MYO3A: variants seen among roughly 807,000 people sequenced by gnomAD.
The protein encoded by MYO3A is myosin-IIIa.
A neutral mutation model predicts 192.7 loss-of-function variants in MYO3A; 180 were observed. That is an observed-to-expected ratio of 0.93 (90% CI 0.83 to 1.06). The LOEUF is 1.06. Among genes scored for constraint, MYO3A ranks in the 50% least tolerant of loss-of-function variants. MYO3A has a pLI of 0.00. For missense variants in MYO3A, 1,896 were observed against 1,905.0 expected, an observed-to-expected ratio of 1.00 and a Z score of 0.09; for synonymous variants, 628 against 645.3, an observed-to-expected ratio of 0.97 and a Z score of 0.41.
chr10:26,071,019 C>T lies in MYO3A; in HGVS notation c.1359+618C>T, dbSNP rs1165263897. On this transcript the variant is annotated intron_variant, in intron 14 of 34. Transcript: ENST00000642920. ...AATGCAATTACAATAAAAATCCAAACAGGATTTTTTTTTTGGTGGGAATTG... is the reference window on the plus strand; with the variant it reads ...AATGCAATTACAATAAAAATCCAAATAGGATTTTTTTTTTGGTGGGAATTG... Among the ~76,000 whole-genome samples the T allele has an allele frequency of 2.5e-5, 3 of 120,042 alleles. No individual in the cohort carries two copies. The South Asian group carries it at 8.2e-4, about 33-fold the overall frequency. 78.8% of individuals were successfully genotyped at this position (120,042 alleles called of 152,430 possible).
At chr10:26,127,170 AATAG>A (rs1383861198) in intron 19 of MYO3A, among the ~76,000 whole-genome samples, 5 of 152,144 alleles carry the variant, frequency 3.3e-5, no homozygotes, top group African/African-American at 1.2e-4. Context: ...AAAAATAAAA[AATAG>A]ATATATTTCT....
rs1274984121 is a variant in MYO3A at position 26,174,709 on chromosome 10, T to C, written c.4293+152T>C. On this transcript the variant is annotated intron_variant, in intron 30 of 34. Coordinates refer to ENST00000642920, the MANE Select transcript of MYO3A (RefSeq NM_017433.5). ...ATAAAATGTCTCAGGGATTGTGCTA[T>C]TCAAATAGCCAGGAACTTTTAACCC... 3 of 711,894 alleles carry C rather than the reference T, an allele frequency of 4.2e-6. No individual in the cohort carries two copies. The East Asian group carries it at 8.3e-5, about 20-fold the overall frequency. 44.1% of individuals were successfully genotyped at this position (711,894 alleles called of 1,614,324 possible).
intron 4 of MYO3A, among the ~76,000 whole-genome samples, chr10:25,960,258 C>G (rs1403111415): frequency 6.6e-6 from 1 of 152,030 alleles, no homozygotes; most frequent in Non-Finnish European, 1.5e-5. Context: ...GCTCTGGAGC[C>G]TTTCAAAATG....
At chr10:26,039,289 A>G (rs1308256698) in intron 10 of MYO3A, among the ~76,000 whole-genome samples, 1 of 145,304 alleles carries the variant, frequency 6.9e-6, no homozygotes, top group Non-Finnish European at 1.5e-5. Context: ...CGAATTCCCA[A>G]CCTCAGGTCA....
At chr10:26,017,290 T>C (rs1046889101) in intron 7 of MYO3A, among the ~76,000 whole-genome samples, 1 of 152,208 alleles carries the variant, frequency 6.6e-6, no homozygotes, top group Non-Finnish European at 1.5e-5. Flanking sequence ...TTAACCCATA[T>C]GGCAGGTTCC....
In MYO3A at chr10:25,997,176, T is replaced by C. The variant is rs189595832; in HGVS notation, c.426T>C (p.His142=). 1 of 1,613,108 alleles carries C rather than the reference T, an allele frequency of 6.2e-7. No individual in the cohort carries two copies. Residue 142 remains histidine (H), a synonymous_variant, in exon 6 of 35, where the codon CAT becomes CAC. Transcript: ENST00000642920. ...HEALMGLQHL[H]NNKTIHRDVK... ...TCTTCTAGGGACTTCAACATTTGCA[T>C]AACAACAAAACTATCCACAGAGATG...
intron 7 of MYO3A, among the ~76,000 whole-genome samples, chr10:26,017,431 C>G (rs1030457485): frequency 3.3e-5 from 5 of 152,082 alleles, no homozygotes; most frequent in Non-Finnish European, 5.9e-5. Context: ...TCTTCTCCCC[C>G]CATCACTATT....
At chr10:26,111,882 G>A (rs1838205082) in intron 17 of MYO3A, among the ~76,000 whole-genome samples, 1 of 152,150 alleles carries the variant, frequency 6.6e-6, no homozygotes, top group Admixed American at 6.5e-5. Context: ...GTGACCAGGG[G>A]CTGGGCCTCT....
intron 23 of MYO3A, among the ~76,000 whole-genome samples, chr10:26,150,321 T>C (rs1840724482): frequency 6.6e-6 from 1 of 152,228 alleles, no homozygotes; most frequent in Admixed American, 6.5e-5. Context: ...TTTGTGACTT[T>C]GGAATCACAG....
chr10:26,207,389 C>T (rs1332994040), intron 34 of MYO3A, among the ~76,000 whole-genome samples: 3 of 152,092 alleles, frequency 2.0e-5, no homozygotes, highest in African/African-American at 4.8e-5. Context: ...TCTAGTTTTG[C>T]AGTTTCATGT....
At chr10:26,035,046 G>A (rs936125835) in intron 10 of MYO3A, among the ~76,000 whole-genome samples, 3 of 151,994 alleles carry the variant, frequency 2.0e-5, no homozygotes, top group African/African-American at 4.8e-5. Flanking sequence ...GTCCCTGTCA[G>A]TGCTAGAAGG....
chr10:26,056,729 G>A (rs1219669559), intron 10 of MYO3A, among the ~76,000 whole-genome samples: 1 of 152,132 alleles, frequency 6.6e-6, no homozygotes, highest in Non-Finnish European at 1.5e-5. Context: ...CACAAAATCT[G>A]AAACTCCTCT....
chr10:26,012,409 C>A (rs147034197), intron 6 of MYO3A, among the ~76,000 whole-genome samples: 54 of 152,158 alleles, frequency 3.5e-4, no homozygotes, highest in African/African-American at 1.3e-3. Context: ...GTTACAAAAT[C>A]AATATACACA....
intron 4 of MYO3A, among the ~76,000 whole-genome samples, chr10:25,976,723 A>T (rs1015499612): frequency 6.6e-6 from 1 of 152,006 alleles, no homozygotes; most frequent in Non-Finnish European, 1.5e-5. Context: ...ATTTTGTTTG[A>T]TTAAAGAACA....
At chr10:26,007,007 G>A (rs1452545884) in intron 6 of MYO3A, among the ~76,000 whole-genome samples, 4 of 146,430 alleles carry the variant, frequency 2.7e-5, no homozygotes, top group East Asian at 1.9e-4. Flanking sequence ...ACCGAATCCA[G>A]CAGCACATCA....
At chr10:26,184,195 A>C (rs975797806) in intron 31 of MYO3A, among the ~76,000 whole-genome samples, 3 of 152,322 alleles carry the variant, frequency 2.0e-5, no homozygotes, top group African/African-American at 4.8e-5. Flanking sequence ...AACCAGTGCC[A>C]AAACAGCCAG....
chr10:26,009,727 T>C (rs190246127), intron 6 of MYO3A, among the ~76,000 whole-genome samples: 83 of 152,358 alleles, frequency 5.4e-4, no homozygotes, highest in Admixed American at 9.1e-4. Flanking sequence ...CAAGAGGACT[T>C]TACTTATATT....
At position 25,952,165 on chromosome 10, in the gene MYO3A, G is replaced by T; in HGVS notation, c.55G>T (p.Asp19Tyr). ...IIFDNFPDPSDTWEITETIGK... is the reference protein window; with the variant it reads ...IIFDNFPDPSYTWEITETIGK... ...CTTTGATAACTTTCCTGATCCTTCT[G>T]ATACATGGGAAATCACTGAGACAAT... is the stretch of plus-strand genomic sequence containing the variant. Residue 19 changes from aspartate to tyrosine, a missense_variant, in exon 3 of 35, where the codon GAT becomes TAT. Physicochemically the swap from Asp to Tyr is radical, Grantham distance 160 (BLOSUM62 -3). Transcript: ENST00000642920. 6.2e-7 allele frequency: 1 copy of T among 1,612,320 alleles called. No individual in the cohort carries two copies. The highest frequency in any genetic ancestry group is 1.1e-5 in the South Asian group (1 of 91,016).
At chr10:26,014,102 A>G (rs1426964789) in intron 6 of MYO3A, among the ~76,000 whole-genome samples, 1 of 151,990 alleles carries the variant, frequency 6.6e-6, no homozygotes, top group Non-Finnish European at 1.5e-5. Context: ...GTGTGATGTA[A>G]TGGACTTTAG....
Sources: gnomAD v4.1 joint callset for allele counts (sites outside exome capture counted in the v4.1 genomes callset) on GRCh38, gnomAD v4.1.1 for gene constraint, MANE v1.5 for transcripts, NCBI Gene and HGNC (gene_info 2026-07-23, HGNC 2026-07-21) for gene names.